LRRC7: variants seen among roughly 807,000 people sequenced by gnomAD.
LRRC7 encodes leucine rich repeat containing 7.
Under a neutral mutation model 175.7 loss-of-function variants are expected in LRRC7, and 23 were observed. The ratio of observed to expected loss-of-function variants is 0.13; its 90% CI spans 0.09 to 0.19. LRRC7 has a LOEUF of 0.19. Among genes scored for constraint, LRRC7 ranks in the 10% least tolerant of loss-of-function variants. LRRC7 has a pLI of 1.00. For missense variants in LRRC7, 1,354 were observed against 1,904.7 expected, an observed-to-expected ratio of 0.71 and a Z score of 5.38; for synonymous variants, 685 against 680.9, an observed-to-expected ratio of 1.01 and a Z score of -0.09.
In LRRC7 at chr1:70,071,681, A is replaced by G. The variant is rs144560020; in HGVS notation, c.4231-4396A>G. ...ACATTTTAAGAACTCTTTTGGATTT[A>G]ATTTTAGGGAATGAATTGTGTTCTT... is the stretch of plus-strand genomic sequence containing the variant. On this transcript the variant is annotated intron_variant, in intron 23 of 26. Transcript: ENST00000651989. 3.9e-3 allele frequency among the ~76,000 whole-genome samples: 587 copies of G among 152,292 alleles called. 4 individuals are homozygous for G. Among genetic ancestry groups the G allele is most frequent in the African/African-American group, 0.013 (555 of 41,542 alleles).
intron 7 of LRRC7, among the ~76,000 whole-genome samples, chr1:69,914,612 C>T (rs1443603926): frequency 6.6e-6 from 1 of 151,982 alleles, no homozygotes; most frequent in Non-Finnish European, 1.5e-5. Flanking sequence ...TATCTAGTGA[C>T]AATTTTATAA....
intron 2 of LRRC7, among the ~76,000 whole-genome samples, chr1:69,724,600 AAAC>A (rs903469878): frequency 3.0e-4 from 46 of 152,348 alleles, no homozygotes; most frequent in African/African-American, 1.1e-3. Context: ...ATTATACAAA[AAAC>A]TGACAAATGT....
intron 3 of LRRC7, among the ~76,000 whole-genome samples, chr1:69,785,000 A>G (rs76794300): frequency 0.14 from 21,214 of 152,096 alleles, 2,175 homozygotes; most frequent in East Asian, 0.5. Context: ...AAATTTTTAT[A>G]TGCATTTTTA....
At chr1:69,595,066 A>G (rs879518452) in intron 1 of LRRC7, among the ~76,000 whole-genome samples, 2 of 151,902 alleles carry the variant, frequency 1.3e-5, no homozygotes, top group African/African-American at 4.8e-5. Context: ...AACATTGAAT[A>G]TAGACCAACT....
At chr1:69,891,331 G>T (rs972358605) in intron 7 of LRRC7, among the ~76,000 whole-genome samples, 3 of 152,210 alleles carry the variant, frequency 2.0e-5, no homozygotes, top group Non-Finnish European at 2.9e-5. Flanking sequence ...TGGTCTTTTG[G>T]TGGAACAGGC....
chr1:70,118,098 C>T (rs1307619551), intron 26 of LRRC7, among the ~76,000 whole-genome samples: 6 of 151,066 alleles, frequency 4.0e-5, no homozygotes, highest in South Asian at 2.1e-4. Context: ...CACACGCACA[C>T]GAACAAAAAT....
chr1:69,913,468 A>G (rs867997612), intron 7 of LRRC7, among the ~76,000 whole-genome samples: 1 of 152,192 alleles, frequency 6.6e-6, no homozygotes, highest in Non-Finnish European at 1.5e-5. Flanking sequence ...TATAACAACA[A>G]TAAGTTACAT....
intron 2 of LRRC7, among the ~76,000 whole-genome samples, chr1:69,704,543 A>G (rs34768080): frequency 0.079 from 11,962 of 151,898 alleles, 552 homozygotes; most frequent in East Asian, 0.14. Context: ...ACAATTTTTA[A>G]TTTTTATTTC....
At chr1:69,759,990 G>A (rs536284118) in intron 2 of LRRC7, among the ~76,000 whole-genome samples, 1 of 152,076 alleles carries the variant, frequency 6.6e-6, no homozygotes, top group South Asian at 2.1e-4. Context: ...TTTCGAATTT[G>A]CTAGATGGGA....
At chr1:70,096,456 C>A (rs913760811) in intron 25 of LRRC7, among the ~76,000 whole-genome samples, 1 of 152,100 alleles carries the variant, frequency 6.6e-6, no homozygotes, top group African/African-American at 2.4e-5. Flanking sequence ...ATCATTTAAA[C>A]CCTGAGGACA....
chr1:69,771,804 G>A (rs995058396), intron 3 of LRRC7, among the ~76,000 whole-genome samples: 1 of 152,114 alleles, frequency 6.6e-6, no homozygotes, highest in African/African-American at 2.4e-5. Flanking sequence ...AAAGTGTTAG[G>A]TGATGGCAAA....
intron 7 of LRRC7, among the ~76,000 whole-genome samples, chr1:69,903,167 T>C (rs1443723437): frequency 6.6e-6 from 1 of 152,230 alleles, no homozygotes; most frequent in Non-Finnish European, 1.5e-5. Flanking sequence ...AAGTTGCCAT[T>C]GCACCAGAGA....
intron 4 of LRRC7, among the ~76,000 whole-genome samples, chr1:69,817,590 C>G (rs1017167150): frequency 1.1e-4 from 17 of 151,928 alleles, no homozygotes; most frequent in Non-Finnish European, 2.4e-4. Flanking sequence ...TCTTCTTGCT[C>G]AAAATTACTT....
intron 3 of LRRC7, among the ~76,000 whole-genome samples, chr1:69,766,931 A>AAATTCAG (rs1196288752): frequency 6.6e-6 from 1 of 152,154 alleles, no homozygotes; most frequent in African/African-American, 2.4e-5. Context: ...TCAGTTTTAC[A>AAATTCAG]AATTCAGTTG....
chr1:69,629,174 G>A (rs1031199187), intron 1 of LRRC7, among the ~76,000 whole-genome samples: 5 of 151,966 alleles, frequency 3.3e-5, no homozygotes, highest in African/African-American at 1.2e-4. Flanking sequence ...AGAGAATTAG[G>A]CAACAAACTG....
chr1:69,621,128 T>G (rs1056941358), intron 1 of LRRC7, among the ~76,000 whole-genome samples: 1 of 151,878 alleles, frequency 6.6e-6, no homozygotes, highest in Non-Finnish European at 1.5e-5. Flanking sequence ...CACTGCAACC[T>G]CTGCCTCCTG....
At chr1:70,021,460 C>T (rs577201163) in intron 16 of LRRC7, 90 of 174,456 alleles carry the variant, frequency 5.2e-4, no homozygotes, top group African/African-American at 1.7e-3. Context: ...CTACACACTA[C>T]GATGATTTTT....
intron 2 of LRRC7, among the ~76,000 whole-genome samples, chr1:69,744,134 AAAATAT>A: frequency 6.6e-6 from 1 of 151,992 alleles, no homozygotes; most frequent in Non-Finnish European, 1.5e-5. Flanking sequence ...ATATATTTTT[AAAATAT>A]AAATAAAATG....
intron 1 of LRRC7, among the ~76,000 whole-genome samples, chr1:69,599,440 A>T (rs923026929): frequency 6.6e-6 from 1 of 152,196 alleles, no homozygotes; most frequent in Non-Finnish European, 1.5e-5. Context: ...ACATAAAATG[A>T]ACTCTAGTCT....
Sources: allele counts gnomAD v4.1 joint callset (sites outside exome capture counted in the v4.1 genomes callset), GRCh38; gene constraint gnomAD v4.1.1; transcripts MANE v1.5; gene names NCBI Gene and HGNC (gene_info 2026-07-23, HGNC 2026-07-21).